The following RABGAP1L variants were observed in gnomAD, a reference collection of about 807,000 sequenced individuals.
The protein encoded by RABGAP1L is RAB GTPase activating protein 1 like.
RABGAP1L carries 63 observed loss-of-function variants against 137.7 expected under a neutral mutation model. The observed-to-expected ratio is 0.46, with a 90% CI of 0.37 to 0.56. The LOEUF is 0.56. Among genes scored for constraint, RABGAP1L ranks in the 20% least tolerant of loss-of-function variants. The pLI is 0.00. For synonymous variants in RABGAP1L, 431 were observed against 433.7 expected (o/e 0.99, Z 0.08); for missense variants, 1,095 against 1,244.0 (o/e 0.88, Z 1.80).
intron 19 of RABGAP1L, among the ~76,000 whole-genome samples, chr1:174,825,052 C>T (rs1053790016): frequency 2.0e-4 from 30 of 152,148 alleles, no homozygotes; most frequent in African/African-American, 7.0e-4. Flanking sequence ...GATTTTGTTA[C>T]TTCAACCTGT....
At position 174,404,453 on chromosome 1, in the gene RABGAP1L, A is replaced by G. The variant is rs1179607249; in HGVS notation, c.1710+10308A>G. Among the ~76,000 whole-genome samples, 3 of 152,190 alleles carry G rather than the reference A, an allele frequency of 2.0e-5. No homozygotes were observed. In the East Asian group the frequency reaches 5.8e-4, roughly 29 times the overall value. ...GTTGGCCAGCTTCATCTATTTATGC[A>G]TCAATGCGTTAAATAGAAACTTAAT... On this transcript the variant is annotated intron_variant, in intron 13 of 25. Transcript: ENST00000681986.
In RABGAP1L at chr1:174,970,877, G is replaced by T. The variant is rs1219581344; in HGVS notation, c.2544+1490G>T. Among the ~76,000 whole-genome samples, 5 of 151,972 alleles carry T rather than the reference G, an allele frequency of 3.3e-5. No homozygotes were observed. In the East Asian group the frequency reaches 9.6e-4, roughly 29 times the overall value. On this transcript the variant is annotated intron_variant, in intron 21 of 25. Coordinates refer to ENST00000681986, the MANE Select transcript of RABGAP1L (RefSeq NM_001366446.1). ...AGTTTGACTGTAAAATGTCTTTCTG[G>T]AATAATTTTTGTTAATGGGAAAATA...
At position 174,430,377 on chromosome 1, in the gene RABGAP1L, T is replaced by C. The variant is rs549305605; in HGVS notation, c.1710+36232T>C. 3.8e-3 allele frequency among the ~76,000 whole-genome samples: 582 copies of C among 152,218 alleles called. 4 individuals carry two copies. The highest frequency in any genetic ancestry group is 0.012 in the African/African-American group (502 of 41,534). The stretch of plus-strand genomic sequence containing the variant: ...TGTCTGAAAAAAAAAAAAAAATTTT[T>C]TTTCAAAGGCCTTACCACTTCTTAT... On this transcript the variant is annotated intron_variant, in intron 13 of 25. Transcript: ENST00000681986.
intron 13 of RABGAP1L, among the ~76,000 whole-genome samples, chr1:174,461,903 G>A (rs113529346): frequency 1.5e-4 from 23 of 151,970 alleles, no homozygotes. Context: ...TACACTTTGG[G>A]GTAGCTCAGG....
At chr1:174,176,741 A>AAAAAAAAAAAAAAAAATAAAAT (rs755688394) in intron 1 of RABGAP1L, among the ~76,000 whole-genome samples, 13 of 111,778 alleles carry the variant, frequency 1.2e-4, no homozygotes, top group Non-Finnish European at 1.6e-4. Context: ...AAAAAAAAAA[A>AAAAAAAAAAAAAAAAATAAAAT]AAAAAGGTCA....
In RABGAP1L at chr1:174,994,711, C is replaced by T. The variant is rs1243548528; in HGVS notation, c.*4710C>T. 1 of 152,194 alleles carries T rather than the reference C, an allele frequency of 6.6e-6. No homozygotes were observed. Among genetic ancestry groups the T allele is most frequent in the Non-Finnish European group, 1.5e-5 (1 of 68,042 alleles). 9.4% of individuals were successfully genotyped at this position (152,194 alleles called of 1,614,324 possible). A position where few individuals can be genotyped will look rare whatever the true frequency, so the allele number is the denominator to read the frequency against. ...CCCAGATCCAAGATGTCCCAAAAGC[C>T]TTTTGTATCAGTTTCTCTATTTTTG... On this transcript the variant is annotated 3_prime_UTR_variant, in exon 26 of 26. Coordinates refer to ENST00000681986, the MANE Select transcript of RABGAP1L (RefSeq NM_001366446.1).
intron 13 of RABGAP1L, among the ~76,000 whole-genome samples, chr1:174,579,762 ATTTGT>A (rs947042154): frequency 1.3e-5 from 2 of 152,018 alleles, no homozygotes; most frequent in East Asian, 1.9e-4. Context: ...ATGACTTTGG[ATTTGT>A]TTTGTTTTGT....
intron 18 of RABGAP1L, among the ~76,000 whole-genome samples, chr1:174,803,526 A>G (rs981443087): frequency 6.6e-6 from 1 of 152,202 alleles, no homozygotes; most frequent in African/African-American, 2.4e-5. Context: ...TAGCTGAATA[A>G]AAATTCTGTT....
At position 174,638,845 on chromosome 1, in the gene RABGAP1L, A is replaced by G. The variant is rs569700147; in HGVS notation, c.1824+1357A>G. 1.2e-4 allele frequency among the ~76,000 whole-genome samples: 17 copies of G among 141,136 alleles called. No homozygotes were observed. The South Asian group carries it at 4.1e-3, about 34-fold the overall frequency. 92.6% of individuals were successfully genotyped at this position (141,136 alleles called of 152,430 possible). Reference sequence around the variant, plus strand: ...GGTGGGAATTGAACAATGAGATCACATGGACACAGGAAGGGGAATATCACA... The same window carrying G: ...GGTGGGAATTGAACAATGAGATCACGTGGACACAGGAAGGGGAATATCACA... On this transcript the variant is annotated intron_variant, in intron 14 of 25. Transcript: ENST00000681986.
At chr1:174,261,090 C>A (rs1349487765) in intron 7 of RABGAP1L, among the ~76,000 whole-genome samples, 1 of 151,806 alleles carries the variant, frequency 6.6e-6, no homozygotes, top group African/African-American at 2.4e-5. Flanking sequence ...TTATGTCTGT[C>A]CTATCACTCT....
intron 17 of RABGAP1L, among the ~76,000 whole-genome samples, chr1:174,722,578 T>G (rs1681653805): frequency 1.3e-5 from 2 of 151,812 alleles, no homozygotes; most frequent in South Asian, 4.2e-4. Context: ...GCCTCCCAAG[T>G]GGCTGGGATT....
At position 174,701,048 on chromosome 1, in the gene RABGAP1L, G is replaced by A; in HGVS notation, c.2026-1065G>A. On this transcript the variant is annotated intron_variant, in intron 16 of 25. Coordinates refer to ENST00000681986, the MANE Select transcript of RABGAP1L (RefSeq NM_001366446.1). ...CACATTTGGCTATTTTTCAAAGAGAGCATGTAGTTCAAGAAATGGCTTATT... is the reference window on the plus strand; with the variant it reads ...CACATTTGGCTATTTTTCAAAGAGAACATGTAGTTCAAGAAATGGCTTATT... 2.3e-6 allele frequency: 3 copies of A among 1,302,310 alleles called. No homozygotes were observed. The South Asian group carries it at 3.7e-5, about 16-fold the overall frequency. 80.7% of individuals were successfully genotyped at this position (1,302,310 alleles called of 1,614,324 possible).
intron 13 of RABGAP1L, among the ~76,000 whole-genome samples, chr1:174,486,656 TC>T (rs1264780968): frequency 6.6e-6 from 1 of 152,062 alleles, no homozygotes; most frequent in Non-Finnish European, 1.5e-5. Flanking sequence ...TCTGCTCTGA[TC>T]TTTATTACAT....
chr1:174,574,519 T>G (rs575309427), intron 13 of RABGAP1L, among the ~76,000 whole-genome samples: 1 of 152,322 alleles, frequency 6.6e-6, no homozygotes, highest in African/African-American at 2.4e-5. Flanking sequence ...GATGAAAAGA[T>G]TGAAGCTTTA....
intron 19 of RABGAP1L, among the ~76,000 whole-genome samples, chr1:174,872,817 G>T (rs1652419407): frequency 6.6e-6 from 1 of 151,930 alleles, no homozygotes; most frequent in South Asian, 2.1e-4. Flanking sequence ...ATGAGTGTGA[G>T]CCACCACAAC....
rs564432341 is a variant in RABGAP1L, at chr1:174,711,974, C to G, written c.2169+9718C>G. 3.9e-5 allele frequency among the ~76,000 whole-genome samples: 6 copies of G among 152,324 alleles called. No homozygotes were observed. In the East Asian group the frequency reaches 1.2e-3, roughly 29 times the overall value. On this transcript the variant is annotated intron_variant, in intron 17 of 25. Transcript: ENST00000681986. ...GTTTGTAAACACACCAATCAGTGCT[C>G]TGTGTCTAGATAATCTAGTGGGGAC...
At chr1:174,298,586 C>T (rs2148745842) in intron 10 of RABGAP1L, among the ~76,000 whole-genome samples, 1 of 152,248 alleles carries the variant, frequency 6.6e-6, no homozygotes, top group Non-Finnish European at 1.5e-5. Flanking sequence ...GAGTCTGGGG[C>T]AGAAATGTGT....
At chr1:174,245,404 ATTGT>A (rs1672170814) in intron 5 of RABGAP1L, 1 of 152,104 alleles carries the variant, frequency 6.6e-6, no homozygotes, top group African/African-American at 2.4e-5. Flanking sequence ...TATTTATTTA[ATTGT>A]TATGTTAGCT....
intron 11 of RABGAP1L, among the ~76,000 whole-genome samples, chr1:174,316,451 C>T (rs1031954046): frequency 2.6e-4 from 39 of 152,180 alleles, no homozygotes; most frequent in African/African-American, 8.9e-4. Flanking sequence ...TAGGGGCAAG[C>T]TCCTCAAGCC....
Sources: gnomAD v4.1 joint callset for allele counts (sites outside exome capture counted in the v4.1 genomes callset) on GRCh38, gnomAD v4.1.1 for gene constraint, MANE v1.5 for transcripts, NCBI Gene and HGNC (gene_info 2026-07-23, HGNC 2026-07-21) for gene names.